The following SHANK2 variants were observed in gnomAD, a reference collection of about 807,000 sequenced individuals.
SHANK2 encodes the protein SH3 and multiple ankyrin repeat domains 2.
SHANK2 carries 43 observed loss-of-function variants against 133.7 expected under a neutral mutation model. That is an observed-to-expected ratio of 0.32 (90% CI 0.25 to 0.41). The LOEUF is 0.41. Ranked by LOEUF, SHANK2 falls within the 10% of genes least tolerant of loss-of-function variation. The pLI, the probability that SHANK2 is intolerant of heterozygous loss-of-function variation, is 1.00. For synonymous variants in SHANK2, 1,017 were observed against 952.8 expected (o/e 1.07, Z -1.24); for missense variants, 1,994 against 2,235.8 (o/e 0.89, Z 2.18).
intron 2 of SHANK2, among the ~76,000 whole-genome samples, chr11:71,210,077 T>A (rs1471494714): frequency 1.3e-5 from 2 of 151,004 alleles, no homozygotes; most frequent in Non-Finnish European, 2.9e-5. Flanking sequence ...CTTTCGATCA[T>A]CTGCAAGGGA....
chr11:71,145,013 A>G (rs1440432809), intron 3 of SHANK2, among the ~76,000 whole-genome samples: 1 of 152,236 alleles, frequency 6.6e-6, no homozygotes, highest in Non-Finnish European at 1.5e-5. Flanking sequence ...GCTTTCCTGC[A>G]TTACTTGAAC....
intron 5 of SHANK2, among the ~76,000 whole-genome samples, chr11:71,111,896 C>T (rs986391530): frequency 1.5e-4 from 23 of 152,356 alleles, no homozygotes; most frequent in Middle Eastern, 3.4e-3. Context: ...CTGAATACCG[C>T]TTTCCAGGCA....
At chr11:70,851,046 A>T (rs1234061088) in intron 11 of SHANK2, among the ~76,000 whole-genome samples, 1 of 152,192 alleles carries the variant, frequency 6.6e-6, no homozygotes, top group Non-Finnish European at 1.5e-5. Flanking sequence ...TCTCACAGGA[A>T]GGCTGGGACC....
intron 14 of SHANK2, among the ~76,000 whole-genome samples, chr11:70,734,586 G>T (rs986144474): frequency 2.0e-5 from 3 of 152,218 alleles, no homozygotes; most frequent in Non-Finnish European, 4.4e-5. Context: ...ACCAAGGGGT[G>T]GGGTGGGGAG....
At chr11:71,102,346 A>G (rs782820303) in intron 6 of SHANK2, among the ~76,000 whole-genome samples, 3 of 152,048 alleles carry the variant, frequency 2.0e-5, no homozygotes, top group Non-Finnish European at 4.4e-5. Flanking sequence ...GCAATCACAC[A>G]GGCTGTTTTG....
At chr11:70,868,011 A>G (rs1196495002) in intron 11 of SHANK2, among the ~76,000 whole-genome samples, 1 of 152,386 alleles carries the variant, frequency 6.6e-6, no homozygotes, top group East Asian at 1.9e-4. Flanking sequence ...GGGTGGAATT[A>G]CCAGCGGGTC....
chr11:70,872,024 T>C (rs1288627460), intron 11 of SHANK2, among the ~76,000 whole-genome samples: 1 of 152,150 alleles, frequency 6.6e-6, no homozygotes, highest in Non-Finnish European at 1.5e-5. Context: ...CAGAGGTGCC[T>C]TGGCATGTGC....
intron 1 of SHANK2, among the ~76,000 whole-genome samples, chr11:71,235,665 C>G (rs1474796935): frequency 1.3e-5 from 2 of 152,080 alleles, no homozygotes; most frequent in Non-Finnish European, 2.9e-5. Context: ...AAAAGAACCT[C>G]TCATTCTCGA....
intron 2 of SHANK2, among the ~76,000 whole-genome samples, chr11:71,148,362 G>A (rs1952697461): frequency 6.6e-6 from 1 of 152,208 alleles, no homozygotes; most frequent in Non-Finnish European, 1.5e-5. Flanking sequence ...GGGATTACAG[G>A]TGTGAGCCAC....
At chr11:70,805,315 C>CCT (rs1948135169) in intron 13 of SHANK2, among the ~76,000 whole-genome samples, 1 of 152,246 alleles carries the variant, frequency 6.6e-6, no homozygotes, top group Non-Finnish European at 1.5e-5. Flanking sequence ...CCTTCCTGCT[C>CCT]TGGAGAGACA....
At position 70,487,049 on chromosome 11, in the gene SHANK2, T is replaced by G. The variant is rs782615161; in HGVS notation, c.3244A>C (p.Ile1082Leu). 6.2e-7 allele frequency: 1 copy of G among 1,608,906 alleles called. No homozygotes were observed. The highest frequency in any genetic ancestry group is 1.1e-5 in the South Asian group (1 of 91,026). ...TCACGGTCGCGGACGGCTCCGGCGA[T>G]GGCGGCGGCAAAGGGGCTGCTGACG... ...LTVSSPFAAA[I>L]AGAVRDREKR... The change falls in exon 25 of 26, where the codon ATC becomes CTC. Residue 1082 changes from isoleucine to leucine, a missense_variant. By Grantham distance (5) the Ile-to-Leu change is conservative (BLOSUM62 2). Transcript: ENST00000601538. The surrounding 1 kb of genome is among the most constrained non-coding windows in gnomAD (Gnocchi z 5.8).
At position 71,244,957 on chromosome 11, in the gene SHANK2, G is replaced by A. The variant is rs529972946; in HGVS notation, c.-113+7468C>T. 3.9e-5 allele frequency among the ~76,000 whole-genome samples: 6 copies of A among 152,086 alleles called. No homozygotes were observed. In the South Asian group the frequency reaches 6.2e-4, roughly 16 times the overall value. On this transcript the variant is annotated intron_variant, in intron 1 of 25. Transcript: ENST00000601538. ...GACCTCAAGTGATCCACCCGTCTCG[G>A]CCTCCCAAAGTGCTGGGGTTACAGG... is the stretch of plus-strand genomic sequence containing the variant.
At chr11:70,660,049 C>G (rs1429785145) in intron 16 of SHANK2, 97 bp from the exon 17 acceptor site, 1 of 1,507,798 alleles carries the variant, frequency 6.6e-7, no homozygotes, top group African/African-American at 1.4e-5. Context: ...GAAGTGGGCC[C>G]ACTCATCTCC....
intron 17 of SHANK2, among the ~76,000 whole-genome samples, chr11:70,650,408 A>T (rs1591705060): frequency 6.6e-6 from 1 of 152,298 alleles, no homozygotes; most frequent in East Asian, 1.9e-4. Flanking sequence ...ACTCCTGAGG[A>T]AGGCTGCATC....
chr11:71,120,640 G>A (rs1255044543), intron 3 of SHANK2, among the ~76,000 whole-genome samples: 6 of 152,182 alleles, frequency 3.9e-5, no homozygotes, highest in Admixed American at 3.9e-4. Context: ...TCCCCACAGG[G>A]CTGTGAGGCT....
At chr11:70,593,165 C>T (rs2060349952) in intron 17 of SHANK2, among the ~76,000 whole-genome samples, 1 of 152,188 alleles carries the variant, frequency 6.6e-6, no homozygotes, top group Non-Finnish European at 1.5e-5. Flanking sequence ...ACGCGTAGGA[C>T]TTTGGTGGCA....
intron 2 of SHANK2, among the ~76,000 whole-genome samples, chr11:71,215,604 T>C (rs1954395366): frequency 6.6e-6 from 1 of 152,184 alleles, no homozygotes; most frequent in African/African-American, 2.4e-5. Flanking sequence ...CAGCCCCAAC[T>C]GTTCCCCGAG....
chr11:71,240,940 T>G (rs1954881480), intron 1 of SHANK2: 1 of 152,114 alleles, frequency 6.6e-6, no homozygotes, highest in Non-Finnish European at 1.5e-5. Flanking sequence ...TCAGAGAAAA[T>G]GCAAGTTAAA....
chr11:70,486,924 G>C lies in SHANK2; in HGVS notation c.3369C>G (p.Pro1123=). ...AATCCCCCTCCTCGGGGAACATGGA[G>C]GGCCGCGTCCTGGGGGCGGGTGGCC... The part of the protein sequence containing the change: ...GLGPPAPRTR[P]SMFPEEGDFA... Residue 1123 remains proline, a synonymous_variant, in exon 25 of 26, where the codon CCC becomes CCG. Transcript: ENST00000601538. The surrounding 1 kb of genome is among the most constrained non-coding windows in gnomAD (Gnocchi z 8.0). The C allele has an allele frequency of 6.2e-7, 1 of 1,612,564 alleles. No homozygotes were observed. The highest frequency in any genetic ancestry group is 8.5e-7 in the Non-Finnish European group (1 of 1,179,754).
Sources: gnomAD v4.1 joint callset for allele counts (sites outside exome capture counted in the v4.1 genomes callset) on GRCh38, gnomAD v4.1.1 for gene constraint, Gnocchi (gnomAD v3.1) non-coding constraint, MANE v1.5 for transcripts, NCBI Gene and HGNC (gene_info 2026-07-23, HGNC 2026-07-21) for gene names.